The following CNTNAP2 variants were observed in gnomAD, a reference collection of about 807,000 sequenced individuals.
CNTNAP2 encodes contactin-associated protein-like 2.
In CNTNAP2, 98 loss-of-function variants were observed where a neutral mutation model predicts 155.2. The observed-to-expected ratio is 0.63, with a 90% CI of 0.54 to 0.75. The LOEUF (loss-of-function observed/expected upper bound fraction) is 0.75, where lower values mean the gene tolerates loss of function less well. Ranked by LOEUF, CNTNAP2 falls within the 30% of genes least tolerant of loss-of-function variation. The probability of loss-of-function intolerance (pLI) is 0.00; values close to 1 mark genes in which losing one functional copy is unlikely to be tolerated. For synonymous variants in CNTNAP2, 651 were observed against 631.2 expected (o/e 1.03, Z -0.47); for missense variants, 1,727 against 1,688.1 (o/e 1.02, Z -0.40).
chr7:146,281,628 C>G (rs541138299), intron 1 of CNTNAP2, among the ~76,000 whole-genome samples: 1 of 151,926 alleles, frequency 6.6e-6, no homozygotes, highest in Non-Finnish European at 1.5e-5. Context: ...AACCCTGTCT[C>G]TATTAAAAAT....
At position 147,298,239 on chromosome 7, in the gene CNTNAP2, A is replaced by G. The variant is rs534571397; in HGVS notation, c.1349-1902A>G. ...AGGTCAGGAGTTCAGGACCAGCCTGACATGGTGAAACCATGTCTCTACTAA... is the reference window on the plus strand; with the variant it reads ...AGGTCAGGAGTTCAGGACCAGCCTGGCATGGTGAAACCATGTCTCTACTAA... On this transcript the variant is annotated intron_variant, in intron 8 of 23. Transcript: ENST00000361727. Among the ~76,000 whole-genome samples, 3 of 152,102 alleles carry G rather than the reference A, an allele frequency of 2.0e-5. No homozygotes were observed. The South Asian group carries it at 6.2e-4, about 32-fold the overall frequency.
At chr7:147,611,742 T>C (rs1801190222) in intron 12 of CNTNAP2, among the ~76,000 whole-genome samples, 1 of 152,206 alleles carries the variant, frequency 6.6e-6, no homozygotes, top group Admixed American at 6.5e-5. Context: ...CCATCTGCTT[T>C]ACATACCTTA....
At chr7:146,632,953 A>C (rs1376210787) in intron 1 of CNTNAP2, among the ~76,000 whole-genome samples, 3 of 151,814 alleles carry the variant, frequency 2.0e-5, no homozygotes, top group Non-Finnish European at 4.4e-5. Context: ...AAAAAAAAAA[A>C]TACAAAATAT....
intron 15 of CNTNAP2, among the ~76,000 whole-genome samples, chr7:148,051,278 A>G (rs754791907): frequency 6.6e-6 from 1 of 152,174 alleles, no homozygotes; most frequent in African/African-American, 2.4e-5. Context: ...TCTTTTCTCA[A>G]TAGGTAACCA....
At chr7:148,107,727 C>T (rs1484023251) in intron 15 of CNTNAP2, among the ~76,000 whole-genome samples, 1 of 152,204 alleles carries the variant, frequency 6.6e-6, no homozygotes, top group African/African-American at 2.4e-5. Context: ...TCACAGGAAA[C>T]AATAGAAGGC....
chr7:147,293,000 T>A (rs1256351353), intron 8 of CNTNAP2, among the ~76,000 whole-genome samples: 1 of 152,154 alleles, frequency 6.6e-6, no homozygotes. Context: ...ACTCCAGACC[T>A]TGGGTGATAT....
At chr7:147,049,344 T>C (rs557969446) in intron 4 of CNTNAP2, among the ~76,000 whole-genome samples, 53 of 152,346 alleles carry the variant, frequency 3.5e-4, no homozygotes, top group African/African-American at 1.2e-3. Flanking sequence ...TATATATATG[T>C]TAAACATATT....
At chr7:147,017,032 TAAA>T (rs58493647) in intron 3 of CNTNAP2, among the ~76,000 whole-genome samples, 1 of 143,016 alleles carries the variant, frequency 7.0e-6, no homozygotes. Flanking sequence ...TTTAAGCTAG[TAAA>T]AAAAAAAAAA....
chr7:146,806,113 C>T (rs1421912926), intron 2 of CNTNAP2, among the ~76,000 whole-genome samples: 1 of 152,156 alleles, frequency 6.6e-6, no homozygotes, highest in African/African-American at 2.4e-5. Flanking sequence ...AGGTAAAACA[C>T]TAATTATGTA....
intron 1 of CNTNAP2, among the ~76,000 whole-genome samples, chr7:146,703,756 A>T (rs1304469060): frequency 6.6e-6 from 1 of 151,978 alleles, no homozygotes; most frequent in Non-Finnish European, 1.5e-5. Flanking sequence ...TGACCTGATC[A>T]CCTCCCAAAG....
At chr7:148,278,968 C>T (rs553215497) in intron 21 of CNTNAP2, among the ~76,000 whole-genome samples, 1 of 152,268 alleles carries the variant, frequency 6.6e-6, no homozygotes, top group East Asian at 1.9e-4. Flanking sequence ...ACACGCCTGG[C>T]TTGTTCAAGG....
At chr7:148,157,968 G>C (rs1805436471) in intron 17 of CNTNAP2, among the ~76,000 whole-genome samples, 1 of 152,048 alleles carries the variant, frequency 6.6e-6, no homozygotes, top group African/African-American at 2.4e-5. Flanking sequence ...CACTACAAGG[G>C]TTACCAGCCC....
intron 15 of CNTNAP2, among the ~76,000 whole-genome samples, chr7:148,081,731 G>T (rs1167707350): frequency 1.3e-5 from 2 of 152,092 alleles, no homozygotes; most frequent in Non-Finnish European, 2.9e-5. Context: ...CTCAGAGGAG[G>T]ATGAATGGCA....
chr7:146,279,961 GTATCA>G, intron 1 of CNTNAP2, among the ~76,000 whole-genome samples: 1 of 150,562 alleles, frequency 6.6e-6, no homozygotes, highest in East Asian at 1.9e-4. Context: ...ATTACTATAC[GTATCA>G]TATTATGAAT....
At chr7:146,457,442 A>T (rs1796570859) in intron 1 of CNTNAP2, among the ~76,000 whole-genome samples, 1 of 123,700 alleles carries the variant, frequency 8.1e-6, no homozygotes, top group African/African-American at 2.8e-5. Context: ...CTATAAATGA[A>T]TCAAATTATA....
At chr7:146,739,097 T>C (rs1801667305) in intron 1 of CNTNAP2, among the ~76,000 whole-genome samples, 1 of 151,972 alleles carries the variant, frequency 6.6e-6, no homozygotes, top group Admixed American at 6.6e-5. Context: ...TTAGTTTTGT[T>C]GATCTTTTCT....
intron 19 of CNTNAP2, among the ~76,000 whole-genome samples, chr7:148,222,862 G>A (rs753631507): frequency 2.4e-4 from 37 of 152,292 alleles, no homozygotes; most frequent in East Asian, 7.7e-4. Flanking sequence ...GAGCTGGACC[G>A]TCTGGGTTTG....
chr7:148,402,254 T>C lies in CNTNAP2; in HGVS notation c.3716-7137T>C, dbSNP rs76058174. Among the ~76,000 whole-genome samples, 1,101 of 152,330 alleles carry C rather than the reference T, an allele frequency of 7.2e-3. 35 individuals carry two copies. Among genetic ancestry groups the C allele is most frequent in the South Asian group, 0.072 (347 of 4,832 alleles). On this transcript the variant is annotated intron_variant, in intron 22 of 23. Transcript: ENST00000361727. ...GGAAATGTAAAGCTTGTTTAACTTT[T>C]CAAGTCAGGAGCCAAAAAGTCACAA...
At chr7:146,318,470 T>C (rs1226745740) in intron 1 of CNTNAP2, among the ~76,000 whole-genome samples, 1 of 152,174 alleles carries the variant, frequency 6.6e-6, no homozygotes, top group African/African-American at 2.4e-5. Flanking sequence ...AAATGTCTTA[T>C]AGGCTTCTGA....
Sources: gnomAD v4.1 joint callset for allele counts (sites outside exome capture counted in the v4.1 genomes callset) on GRCh38, gnomAD v4.1.1 for gene constraint, MANE v1.5 for transcripts, NCBI Gene and HGNC (gene_info 2026-07-23, HGNC 2026-07-21) for gene names.